Variants in U2SURP observed in about 807,000 individuals in gnomAD.
U2SURP encodes the protein U2 snRNP associated SURP domain containing.
Under a neutral mutation model 144.9 loss-of-function variants are expected in U2SURP, and 9 were observed. The observed-to-expected ratio is 0.06, with a 90% CI of 0.04 to 0.11. The LOEUF (loss-of-function observed/expected upper bound fraction) is 0.11, where lower values mean the gene tolerates loss of function less well. Among genes scored for constraint, U2SURP ranks in the 10% least tolerant of loss-of-function variants. The probability of loss-of-function intolerance (pLI) is 1.00; values close to 1 mark genes in which losing one functional copy is unlikely to be tolerated. For synonymous variants in U2SURP, 408 were observed against 396.8 expected (o/e 1.03, Z -0.33); for missense variants, 724 against 1,226.7 (o/e 0.59, Z 6.12).
At position 143,056,622 on chromosome 3, in the gene U2SURP, GT is replaced by G; in HGVS notation, c.*176del. The G allele has an allele frequency of 1.5e-6, 1 of 658,446 alleles. No individual in the cohort carries two copies. Among genetic ancestry groups the G allele is most frequent in the Non-Finnish European group, 2.5e-6 (1 of 404,804 alleles). The allele number at this position is 658,446 out of a possible 1,614,324, so 40.8% of individuals were successfully genotyped here. On this transcript the variant is annotated 3_prime_UTR_variant, in exon 28 of 28. Coordinates refer to ENST00000473835, the MANE Select transcript of U2SURP (RefSeq NM_001080415.2). The stretch of plus-strand genomic sequence containing the variant: ...CAACTGCATCTGTAGATCTGTCATT[GT>G]TTTATATTGTGTAAATTACTTTCAT...
intron 24 of U2SURP, among the ~76,000 whole-genome samples, chr3:143,045,167 G>A (rs13099995): frequency 0.6 from 90,932 of 151,686 alleles, 27,502 homozygotes; most frequent in East Asian, 0.7. Context: ...TCAGGAGATC[G>A]AGAATATCCT....
At chr3:143,040,616 G>A (rs1934052805) in intron 23 of U2SURP, among the ~76,000 whole-genome samples, 1 of 151,838 alleles carries the variant, frequency 6.6e-6, no homozygotes, top group African/African-American at 2.4e-5. Context: ...ATTGAATACT[G>A]TATGGATTTA....
chr3:143,008,821 A>G lies in U2SURP; in HGVS notation c.46-1994A>G, dbSNP rs553891984. 1.1e-3 allele frequency among the ~76,000 whole-genome samples: 173 copies of G among 152,364 alleles called. 1 individual carries two copies. The highest frequency in any genetic ancestry group is 2.0e-3 in the Non-Finnish European group (138 of 68,038). On this transcript the variant is annotated intron_variant, in intron 1 of 27. Coordinates refer to ENST00000473835, the MANE Select transcript of U2SURP (RefSeq NM_001080415.2). Reference sequence around the variant, plus strand: ...GTCTCTGTCGCCTAGGCGGTAGTGCAGTGGCGCGATCTCAGCTCACTGCAA... The same window carrying G: ...GTCTCTGTCGCCTAGGCGGTAGTGCGGTGGCGCGATCTCAGCTCACTGCAA...
Position 143,012,271 on chromosome 3 carries a change from C to G in U2SURP, c.140C>G (p.Pro47Arg), listed in dbSNP as rs1255027956. The G allele has an allele frequency of 6.8e-6, 11 of 1,613,220 alleles. No homozygotes were observed. The highest frequency in any genetic ancestry group is 1.7e-5 in the Admixed American group (1 of 59,942). The change falls in exon 3 of 28, where the codon CCT becomes CGT. Residue 47 changes from proline (P) to arginine (R), a missense_variant. Around this residue, in one of 13 missense-constraint regions of U2SURP, gnomAD observed 127 missense variants for 98.2 expected, o/e 1.29. Coordinates refer to ENST00000473835, the MANE Select transcript of U2SURP (RefSeq NM_001080415.2). Reference protein sequence around the residue: ...SDSDMPSRTRPKSPRKHNYRN... With the variant: ...SDSDMPSRTRRKSPRKHNYRN... ...AGTGATATGCCAAGTCGGACACGAC[C>G]TAAGAGCCCAAGAAAACATAATTAT...
chr3:143,036,197 T>G (rs954477213), intron 20 of U2SURP, 93 bp downstream of exon 20: 4 of 1,329,422 alleles, frequency 3.0e-6, no homozygotes, highest in African/African-American at 1.5e-5. Context: ...GTGAGGTACA[T>G]TTCTTTGTGA....
At chr3:143,024,355 C>T in intron 13 of U2SURP, 1 of 368,382 alleles carries the variant, frequency 2.7e-6, no homozygotes, top group Non-Finnish European at 5.2e-6. Flanking sequence ...GATAACGTTA[C>T]AGTTTGACCC....
At position 143,023,022 on chromosome 3, in the gene U2SURP, T is replaced by G; in HGVS notation, c.1188T>G (p.Ala396=). The G allele has an allele frequency of 6.2e-7, 1 of 1,610,272 alleles. No homozygotes were observed. Among genetic ancestry groups the G allele is most frequent in the Non-Finnish European group, 8.5e-7 (1 of 1,178,240 alleles). Residue 396 remains alanine, a synonymous_variant, in exon 12 of 28, where the codon GCT becomes GCG. Transcript: ENST00000473835. ...QPRERLKNPN[A]PMLPPPKNKE... is the part of the protein sequence containing the mutation. ...GAGAGCGGTTAAAAAACCCTAATGCTCCTATGTTACCGCCACCTAAAAACA... is the reference window on the plus strand; with the variant it reads ...GAGAGCGGTTAAAAAACCCTAATGCGCCTATGTTACCGCCACCTAAAAACA...
At position 143,044,289 on chromosome 3, in the gene U2SURP, C is replaced by CTTTTTTTTTTTTTTTTTTTT. The variant is rs56916268; in HGVS notation, c.2544+1030_2544+1031insTTTTTTTTTTTTTTTTTTTT. On this transcript the variant is annotated intron_variant, in intron 24 of 27. Coordinates refer to ENST00000473835, the MANE Select transcript of U2SURP (RefSeq NM_001080415.2). ...TTTCCCTTTTCCCCTCTCCCCTCTC[C>CTTTTTTTTTTTTTTTTTTTT]TTTTTTTTTTTTTTTTTGAGACGGG... Among the ~76,000 whole-genome samples, 55 of 81,370 alleles carry CTTTTTTTTTTTTTTTTTTTT rather than the reference C, an allele frequency of 6.8e-4. 10 individuals carry two copies. Among genetic ancestry groups the CTTTTTTTTTTTTTTTTTTTT allele is most frequent in the African/African-American group, 3.0e-3 (52 of 17,288 alleles). 53.4% of individuals were successfully genotyped at this position (81,370 alleles called of 152,430 possible). A position where few individuals can be genotyped will look rare whatever the true frequency, so the allele number is the denominator to read the frequency against.
intron 1 of U2SURP, among the ~76,000 whole-genome samples, chr3:143,007,363 T>C (rs371105510): frequency 2.6e-5 from 4 of 151,828 alleles, no homozygotes; most frequent in South Asian, 2.1e-4. Context: ...CCTCGAGCAG[T>C]CGTCCCACCT....
At chr3:143,013,047 A>G (rs949030755) in intron 3 of U2SURP, among the ~76,000 whole-genome samples, 1 of 152,062 alleles carries the variant, frequency 6.6e-6, no homozygotes, top group Non-Finnish European at 1.5e-5. Context: ...GTTTTTAGTT[A>G]TAAATTTTTT....
Position 143,016,966 on chromosome 3 carries a change from C to A in U2SURP, c.561C>A (p.Thr187=). ...CACCATCTCTTCTTGTGATAGAAAC[C>A]AAAAAACCTGTAAGTCATACTTAAG... ...ERPPSLLVIE[T]KKPPLKKGEK... Residue 187 remains threonine, a synonymous_variant, in exon 6 of 28, where the codon ACC becomes ACA. Coordinates refer to ENST00000473835, the MANE Select transcript of U2SURP (RefSeq NM_001080415.2). 6.4e-7 allele frequency: 1 copy of A among 1,573,516 alleles called. No individual in the cohort carries two copies. Among genetic ancestry groups the A allele is most frequent in the Non-Finnish European group, 8.6e-7 (1 of 1,167,440 alleles).
intron 5 of U2SURP, among the ~76,000 whole-genome samples, chr3:143,016,597 A>T (rs1351459480): frequency 6.6e-6 from 1 of 152,166 alleles, no homozygotes; most frequent in East Asian, 1.9e-4. Context: ...TTTTAAACAT[A>T]TTTAGTTCCT....
At chr3:143,028,701 T>C in intron 16 of U2SURP, 55 bp downstream of exon 16, 7 of 1,462,198 alleles carry the variant, frequency 4.8e-6, no homozygotes, top group Non-Finnish European at 5.5e-6. Context: ...TAATGGTTGC[T>C]TTAATTAATG....
intron 6 of U2SURP, among the ~76,000 whole-genome samples, chr3:143,018,957 T>A (rs1321376248): frequency 6.6e-6 from 1 of 152,108 alleles, no homozygotes; most frequent in Non-Finnish European, 1.5e-5. Context: ...CAAAACTATT[T>A]TGTTTGAAAA....
intron 24 of U2SURP, among the ~76,000 whole-genome samples, chr3:143,047,965 A>T (rs1172762787): frequency 1.3e-5 from 2 of 151,758 alleles, no homozygotes; most frequent in Non-Finnish European, 2.9e-5. Context: ...CCTAGGCTGG[A>T]GTTTCCTTTT....
At chr3:143,049,497 C>T (rs1934733684) in intron 24 of U2SURP, among the ~76,000 whole-genome samples, 1 of 152,030 alleles carries the variant, frequency 6.6e-6, no homozygotes, top group African/African-American at 2.4e-5. Flanking sequence ...AGAATGCTTC[C>T]TCTTTCTCTT....
chr3:143,002,787 AT>A (rs1287514824), intron 1 of U2SURP, among the ~76,000 whole-genome samples: 1 of 152,254 alleles, frequency 6.6e-6, no homozygotes, highest in African/African-American at 2.4e-5. Flanking sequence ...GTACACCAAA[AT>A]AATTAATTCA....
chr3:143,033,985 T>G (rs547350181), intron 18 of U2SURP, among the ~76,000 whole-genome samples: 59 of 152,324 alleles, frequency 3.9e-4, no homozygotes, highest in African/African-American at 1.3e-3. Flanking sequence ...CTGGCAAACA[T>G]AAGAGACCAA....
rs895328733 is a variant in U2SURP, at chr3:143,059,009, CT to C, written c.*2560del. 5.3e-5 allele frequency: 8 copies of C among 152,114 alleles called. No individual in the cohort carries two copies. The highest frequency in any genetic ancestry group is 1.9e-4 in the African/African-American group (8 of 41,562). 9.4% of individuals were successfully genotyped at this position (152,114 alleles called of 1,614,324 possible). The stretch of plus-strand genomic sequence containing the variant: ...ACTAGGTTAATGACATTTAACTCCC[CT>C]CTCTTCTGTAGGTGAGAGAAAATAA... On this transcript the variant is annotated 3_prime_UTR_variant, in exon 28 of 28. Coordinates refer to ENST00000473835, the MANE Select transcript of U2SURP (RefSeq NM_001080415.2).
Sources: gnomAD v4.1 joint callset for allele counts (sites outside exome capture counted in the v4.1 genomes callset) on GRCh38, gnomAD v4.1.1 for gene constraint, gnomAD v4.1.1 regional missense constraint, MANE v1.5 for transcripts, NCBI Gene and HGNC (gene_info 2026-07-23, HGNC 2026-07-21) for gene names.